VGLL1: variants seen among roughly 807,000 people sequenced by gnomAD.
VGLL1 encodes transcription cofactor vestigial-like protein 1.
Under a neutral mutation model 12.0 loss-of-function variants are expected in VGLL1, and 4 were observed. The ratio of observed to expected loss-of-function variants is 0.33; its 90% CI spans 0.16 to 0.76. The LOEUF (loss-of-function observed/expected upper bound fraction) is 0.76. Among genes scored for constraint, VGLL1 ranks in the 30% least tolerant of loss-of-function variants. VGLL1 has a pLI of 0.60. For synonymous variants in VGLL1, 87 were observed against 81.2 expected, an observed-to-expected ratio of 1.07 and a Z score of -0.39; for missense variants, 204 against 208.7, an observed-to-expected ratio of 0.98 and a Z score of 0.14.
In VGLL1 at chrX:136,536,138, G is replaced by A. The variant is rs2075839041; in HGVS notation, c.118G>A (p.Val40Ile). ...FTYFQGDISS[V>I]VDEHFSRALS... The stretch of plus-strand genomic sequence containing the variant: ...CTACTTCCAAGGGGACATCAGCAGC[G>A]TAGTGGATGAACACTTCTCCAGAGC... Residue 40 changes from valine (V) to isoleucine (I), a missense_variant, in exon 2 of 5, where the codon GTA becomes ATA. Val to Ile is a conservative substitution (Grantham distance 29). Transcript: ENST00000370634. 4.1e-6 allele frequency: 5 copies of A among 1,209,312 alleles called. No homozygotes were observed. Among genetic ancestry groups the A allele is most frequent in the African/African-American group, 3.5e-5 (2 of 56,804 alleles).
intron 2 of VGLL1, among the ~76,000 whole-genome samples, chrX:136,542,169 C>A (rs1489813928): frequency 1.8e-5 from 2 of 108,860 alleles, no homozygotes; most frequent in East Asian, 5.8e-4. Context: ...CCCCTCCCAT[C>A]TGCCATAATC....
chrX:136,550,608 C>T (rs1427163414), intron 3 of VGLL1, 160 bp from the exon 4 acceptor site: 1 of 416,161 alleles, frequency 2.4e-6, no homozygotes, highest in Non-Finnish European at 4.1e-6. Flanking sequence ...ACCTTTAAAA[C>T]AGAAGCTTCT....
intron 4 of VGLL1, among the ~76,000 whole-genome samples, chrX:136,551,736 T>C (rs987148609): frequency 9.0e-6 from 1 of 111,337 alleles, no homozygotes; most frequent in Non-Finnish European, 1.9e-5. Context: ...CAAGAATTCT[T>C]TTTGGAGGGC....
In VGLL1 at chrX:136,535,859, A is replaced by G. The variant is rs146925287; in HGVS notation, c.-25-137A>G. The G allele has an allele frequency of 5.2e-4, 238 of 458,128 alleles. 1 individual carries two copies. The African/African-American group carries it at 5.3e-3, about 10-fold the overall frequency. 37.8% of individuals were successfully genotyped at this position (458,128 alleles called of 1,213,427 possible). A position where few individuals can be genotyped will look rare whatever the true frequency, so the allele number is the denominator to read the frequency against. ...GCATCGTCATTGACCTTTAGGAGCT[A>G]TGTGGCTCCCTGGGGCCCCAGTGAG... On this transcript the variant is annotated intron_variant, in intron 1 of 4. Coordinates refer to ENST00000370634, the MANE Select transcript of VGLL1 (RefSeq NM_016267.4).
intron 1 of VGLL1, among the ~76,000 whole-genome samples, chrX:136,532,643 TTCTTTC>T (rs2075827771): frequency 1.1e-5 from 1 of 90,522 alleles, no homozygotes. Flanking sequence ...CTTTCTTTCT[TTCTTTC>T]TTTCTTTCTT....
chrX:136,554,562 T>C (rs1248631339), intron 4 of VGLL1, among the ~76,000 whole-genome samples: 2 of 111,491 alleles, frequency 1.8e-5, no homozygotes, highest in Non-Finnish European at 3.8e-5. Flanking sequence ...GTGATCCAAC[T>C]TGCATCTGAT....
chrX:136,554,565 C>T (rs2075896266), intron 4 of VGLL1, among the ~76,000 whole-genome samples: 1 of 111,287 alleles, frequency 9.0e-6, no homozygotes, highest in South Asian at 3.8e-4. Context: ...ATCCAACTTG[C>T]ATCTGATAAG....
intron 2 of VGLL1, among the ~76,000 whole-genome samples, chrX:136,547,521 C>T (rs770181107): frequency 8.9e-6 from 1 of 112,033 alleles, no homozygotes; most frequent in African/African-American, 3.2e-5. Context: ...CATTACTTAT[C>T]GTTCCAGCTC....
chrX:136,537,592 CT>C (rs1210295403), intron 2 of VGLL1, among the ~76,000 whole-genome samples: 1 of 111,472 alleles, frequency 9.0e-6, no homozygotes, highest in East Asian at 2.8e-4. Flanking sequence ...CAGGGTCTCA[CT>C]CTGTTGCTCA....
chrX:136,533,019 G>A (rs1436811662), intron 1 of VGLL1, among the ~76,000 whole-genome samples: 1 of 111,313 alleles, frequency 9.0e-6, no homozygotes, highest in African/African-American at 3.3e-5. Context: ...CATGAATGAA[G>A]AGACCTCTTA....
chrX:136,539,805 T>G (rs1441226402), intron 2 of VGLL1, among the ~76,000 whole-genome samples: 2 of 111,739 alleles, frequency 1.8e-5, no homozygotes, highest in African/African-American at 3.3e-5. Context: ...TCACTTAACA[T>G]GCCTAATAGG....
At chrX:136,542,000 G>A (rs192781632) in intron 2 of VGLL1, among the ~76,000 whole-genome samples, 3 of 110,886 alleles carry the variant, frequency 2.7e-5, no homozygotes, top group African/African-American at 9.8e-5. Flanking sequence ...GCATGGTCCT[G>A]GTACGTATGC....
At chrX:136,555,342 A>G (rs1186905666) in intron 4 of VGLL1, among the ~76,000 whole-genome samples, 10 of 112,296 alleles carry the variant, frequency 8.9e-5, no homozygotes, top group African/African-American at 3.2e-4. Context: ...AGTGAACCAG[A>G]GATGAGAAAG....
At chrX:136,549,046 T>G in intron 3 of VGLL1, 38 bp downstream of exon 3, 6 of 1,165,823 alleles carry the variant, frequency 5.1e-6, no homozygotes, top group Non-Finnish European at 5.8e-6. Flanking sequence ...GGGGTGCCTC[T>G]GATTGGTTGT....
At chrX:136,555,829 G>A (rs910238752) in intron 4 of VGLL1, among the ~76,000 whole-genome samples, 1 of 111,924 alleles carries the variant, frequency 8.9e-6, no homozygotes, top group African/African-American at 3.2e-5. Flanking sequence ...ACAAACATAA[G>A]TAGGATTTCT....
Position 136,548,796 on chromosome X carries a change from C to A in VGLL1, c.422C>A (p.Ser141Tyr). Reference sequence around the variant, plus strand: ...TTCTCCTCCCTGGCGGGCACCAGCTCCTTAGAGCCTGGCTACTCTCATCCC... The same window carrying A: ...TTCTCCTCCCTGGCGGGCACCAGCTACTTAGAGCCTGGCTACTCTCATCCC... Reference protein sequence around the residue: ...WHFSSLAGTSSLEPGYSHPFP... With the variant: ...WHFSSLAGTSYLEPGYSHPFP... Residue 141 changes from serine (S) to tyrosine (Y), a missense_variant, in exon 3 of 5, where the codon TCC becomes TAC. Transcript: ENST00000370634. 2.5e-6 allele frequency: 3 copies of A among 1,212,164 alleles called. No individual in the cohort carries two copies. In the Admixed American group the frequency reaches 6.5e-5, roughly 26 times the overall value.
At chrX:136,537,378 A>T (rs74909271) in intron 2 of VGLL1, among the ~76,000 whole-genome samples, 2 of 106,289 alleles carry the variant, frequency 1.9e-5, no homozygotes, top group Non-Finnish European at 3.9e-5. Context: ...GTCTCAAAAG[A>T]AAAAAAAAAA....
intron 1 of VGLL1, among the ~76,000 whole-genome samples, chrX:136,533,546 T>C (rs1327202688): frequency 9.0e-6 from 1 of 111,590 alleles, no homozygotes; most frequent in Non-Finnish European, 1.9e-5. Context: ...GTGTCAAGCC[T>C]GAACCTTGAG....
rs777895669 is a variant in VGLL1 at position 136,539,281 on chromosome X, C to T, written c.214+3047C>T. Among the ~76,000 whole-genome samples the T allele has an allele frequency of 5.4e-5, 6 of 111,840 alleles. No individual in the cohort carries two copies. The East Asian group carries it at 1.4e-3, about 26-fold the overall frequency. On this transcript the variant is annotated intron_variant, in intron 2 of 4. Transcript: ENST00000370634. ...ACTCTTGGCCTATTGCCCCATTTCT[C>T]TGCTTCATTTTGCAGCAAAACTCAA...
Sources: allele counts gnomAD v4.1 joint callset (sites outside exome capture counted in the v4.1 genomes callset), GRCh38; gene constraint gnomAD v4.1.1; transcripts MANE v1.5; gene names NCBI Gene and HGNC (gene_info 2026-07-23, HGNC 2026-07-21).